TYW2: variants seen among roughly 807,000 people sequenced by gnomAD.
The protein encoded by TYW2 is tRNA wybutosine-synthesizing protein 2.
At chr8:124,452,350 T>A in the TYW2 span, 2 of 1,451,088 alleles carry the variant, frequency 1.4e-6, no homozygotes, top group Non-Finnish European at 1.9e-6. Flanking sequence ...CAGGTTGTCA[T>A]CCCTTTTGTC....
the TYW2 span, chr8:124,451,883 C>T: frequency 6.2e-7 from 1 of 1,614,004 alleles, no homozygotes; most frequent in African/African-American, 1.3e-5. Flanking sequence ...GAAGGCTGGC[C>T]CATTGCCTGC....
chr8:124,452,053 A>C, the TYW2 span: 1 of 1,614,200 alleles, frequency 6.2e-7, no homozygotes, highest in Non-Finnish European at 8.5e-7. Context: ...AAATGGAGCT[A>C]CCAGGGATTC....
the TYW2 span, chr8:124,450,822 T>G: frequency 7.3e-7 from 1 of 1,378,248 alleles, no homozygotes. Context: ...TGCACGTCAT[T>G]TCCGGCACCG....
At chr8:124,451,359 TGAA>T in the TYW2 span, 1 of 1,614,104 alleles carries the variant, frequency 6.2e-7, no homozygotes. Flanking sequence ...TGTTGCTGAG[TGAA>T]GACTGTTTCC....
chr8:124,452,199 A>G, the TYW2 span: 2 of 1,614,208 alleles, frequency 1.2e-6, no homozygotes, highest in South Asian at 2.2e-5. Flanking sequence ...ACATCCAACC[A>G]GTGAAATCCT....
At chr8:124,451,788 C>T in the TYW2 span, 4 of 1,614,104 alleles carry the variant, frequency 2.5e-6, no homozygotes, top group East Asian at 6.7e-5. Flanking sequence ...CAGATCGGTG[C>T]CAAATACACT....
the TYW2 span, chr8:124,451,350 G>A: frequency 1.9e-6 from 3 of 1,614,190 alleles, no homozygotes; most frequent in African/African-American, 2.7e-5. Context: ...GTAATCTCTT[G>A]TTGCTGAGTG....
the TYW2 span, chr8:124,451,623 C>G: frequency 4.3e-6 from 7 of 1,614,166 alleles, no homozygotes; most frequent in Non-Finnish European, 5.9e-6. Context: ...CATCGTTGTC[C>G]TGTGCTGGAG....
chr8:124,451,400 C>T, the TYW2 span: 1 of 1,614,058 alleles, frequency 6.2e-7, no homozygotes, highest in Non-Finnish European at 8.5e-7. Context: ...AATCTGGGAC[C>T]GGAACTCTGG....
chr8:124,450,901 C>T, the TYW2 span: 3 of 1,593,900 alleles, frequency 1.9e-6, no homozygotes, highest in Non-Finnish European at 2.6e-6. Context: ...TGAGCCGACT[C>T]TGAGGAGATG....
At chr8:124,451,530 T>G in the TYW2 span, 1 of 1,614,180 alleles carries the variant, frequency 6.2e-7, no homozygotes, top group Non-Finnish European at 8.5e-7. Flanking sequence ...GGGTAGAGCA[T>G]GTGGATAATG....
the TYW2 span, chr8:124,451,249 T>C: frequency 6.2e-7 from 1 of 1,613,966 alleles, no homozygotes; most frequent in Non-Finnish European, 8.5e-7. Flanking sequence ...CCAAAAATTG[T>C]GTCTTGAGGT....
At chr8:124,451,272 G>A in the TYW2 span, 1 of 1,614,200 alleles carries the variant, frequency 6.2e-7, no homozygotes, top group African/African-American at 1.3e-5. Context: ...GTCGCTGGGT[G>A]GAGGGTCGGG....
chr8:124,450,940 G>A, the TYW2 span: 1 of 1,613,628 alleles, frequency 6.2e-7, no homozygotes, highest in Non-Finnish European at 8.5e-7. Context: ...GAGAGAGAAT[G>A]TGGTTGTTAG....
chr8:124,451,701 TG>T, the TYW2 span: 1 of 1,614,240 alleles, frequency 6.2e-7, no homozygotes, highest in Non-Finnish European at 8.5e-7. Flanking sequence ...ATGCTGGTGC[TG>T]CCTTCGTCCA....
At chr8:124,450,964 G>A in the TYW2 span, 1 of 1,614,174 alleles carries the variant, frequency 6.2e-7, no homozygotes, top group East Asian at 2.2e-5. Context: ...CATGGAGAGA[G>A]AAAGTGGGAA....
chr8:124,451,573 A>G, the TYW2 span: 10 of 1,614,150 alleles, frequency 6.2e-6, no homozygotes, highest in South Asian at 7.7e-5. Flanking sequence ...GACCCAGTGT[A>G]TGTTCTCCTT....
chr8:124,451,787 G>A, the TYW2 span: 111 of 1,614,076 alleles, frequency 6.9e-5, no homozygotes, highest in Non-Finnish European at 8.6e-5. Flanking sequence ...GCAGATCGGT[G>A]CCAAATACAC....
At chr8:124,450,832 G>A in the TYW2 span, 8 of 1,431,870 alleles carry the variant, frequency 5.6e-6, no homozygotes, top group African/African-American at 4.3e-5. Flanking sequence ...TTCCGGCACC[G>A]GCATGGCCGG....
Sources: allele counts gnomAD v4.1 joint callset, GRCh38; gene constraint gnomAD v4.1.1; transcripts MANE v1.5; gene names NCBI Gene and HGNC (gene_info 2026-07-23, HGNC 2026-07-21).